DNAH8: variants seen among roughly 807,000 people sequenced by gnomAD.
The protein encoded by DNAH8 is axonemal beta dynein heavy chain 8.
DNAH8 carries 382 observed loss-of-function variants against 562.1 expected under a neutral mutation model. The observed-to-expected ratio is 0.68, with a 90% CI of 0.63 to 0.74. The LOEUF (loss-of-function observed/expected upper bound fraction) is 0.74. Among genes scored for constraint, DNAH8 ranks in the 30% least tolerant of loss-of-function variants. The pLI is 0.00. For missense variants in DNAH8, 5,203 were observed against 5,620.4 expected, an observed-to-expected ratio of 0.93 and a Z score of 2.37; for synonymous variants, 1,881 against 1,919.4, an observed-to-expected ratio of 0.98 and a Z score of 0.52.
chr6:39,009,374 G>A (rs1276027303), intron 89 of DNAH8, among the ~76,000 whole-genome samples: 4 of 151,614 alleles, frequency 2.6e-5, no homozygotes, highest in Non-Finnish European at 4.4e-5. Flanking sequence ...TCTATAAGAC[G>A]TTCCAAGTGT....
At chr6:38,936,016 C>T (rs986834850) in intron 77 of DNAH8, among the ~76,000 whole-genome samples, 6 of 150,564 alleles carry the variant, frequency 4.0e-5, no homozygotes, top group African/African-American at 1.5e-4. Flanking sequence ...AACTAATGTG[C>T]TCAATCTATT....
intron 52 of DNAH8, 28 bp downstream of exon 52, chr6:38,873,404 C>T: frequency 6.4e-7 from 1 of 1,553,260 alleles, no homozygotes; most frequent in Non-Finnish European, 8.7e-7. Context: ...ACATTTACTA[C>T]TTCGATTTTG....
rs761508825 is a variant in DNAH8, at chr6:38,837,856, T to G, written c.4366-86T>G. 12 of 964,898 alleles carry G rather than the reference T, an allele frequency of 1.2e-5. No homozygotes were observed. The African/African-American group carries it at 2.0e-4, about 16-fold the overall frequency. The allele number at this position is 964,898 out of a possible 1,614,324, so 59.8% of individuals were successfully genotyped here. A position where few individuals can be genotyped will look rare whatever the true frequency, so the allele number is the denominator to read the frequency against. On this transcript the variant is annotated intron_variant, in intron 32 of 92. Coordinates refer to ENST00000327475, the MANE Select transcript of DNAH8 (RefSeq NM_001206927.2). ...AGCTATTACTTAATAAACCTCAACCTAGCTTTTATCCCAATGAAAATAAAT... is the reference window on the plus strand; with the variant it reads ...AGCTATTACTTAATAAACCTCAACCGAGCTTTTATCCCAATGAAAATAAAT...
At chr6:38,719,227 CT>C (rs545268450) in intron 1 of DNAH8, among the ~76,000 whole-genome samples, 216 of 152,188 alleles carry the variant, frequency 1.4e-3, no homozygotes, top group African/African-American at 5.0e-3. Flanking sequence ...TTGAAGTAGT[CT>C]TTTTTTCTGA....
rs185586854 is a variant in DNAH8, at chr6:38,732,410, G to A, written c.611-2064G>A. 3.3e-3 allele frequency among the ~76,000 whole-genome samples: 496 copies of A among 152,298 alleles called. 5 individuals are homozygous for A. Among genetic ancestry groups the A allele is most frequent in the Non-Finnish European group, 5.1e-3 (349 of 68,026 alleles). On this transcript the variant is annotated intron_variant, in intron 4 of 92. Coordinates refer to ENST00000327475, the MANE Select transcript of DNAH8 (RefSeq NM_001206927.2). The stretch of plus-strand genomic sequence containing the variant: ...TCAGGTTTTCTTAGCAAAGAAAAAG[G>A]GGAGGGTAGTAAATCCCTGTGGAGC...
chr6:38,987,082 T>C (rs960362918), intron 87 of DNAH8, among the ~76,000 whole-genome samples: 2 of 152,154 alleles, frequency 1.3e-5, no homozygotes, highest in African/African-American at 4.8e-5. Flanking sequence ...GATGTACAGA[T>C]CCGGAGGTCA....
At chr6:38,800,298 A>AT (rs1770673438) in intron 21 of DNAH8, among the ~76,000 whole-genome samples, 1 of 151,654 alleles carries the variant, frequency 6.6e-6, no homozygotes, top group Non-Finnish European at 1.5e-5. Flanking sequence ...ACTCCATGTT[A>AT]TACTCTTTGA....
intron 8 of DNAH8, among the ~76,000 whole-genome samples, chr6:38,745,622 TC>T (rs1322712503): frequency 6.6e-6 from 1 of 152,198 alleles, no homozygotes; most frequent in Non-Finnish European, 1.5e-5. Flanking sequence ...TTTATACTTC[TC>T]CAGGTTTTCC....
At chr6:38,876,610 C>T (rs370829028) in intron 53 of DNAH8, among the ~76,000 whole-genome samples, 1 of 152,080 alleles carries the variant, frequency 6.6e-6, no homozygotes, top group Admixed American at 6.5e-5. Flanking sequence ...TTGAGAAGCG[C>T]ACGTCACAGG....
At chr6:38,966,317 A>G (rs899322436) in intron 82 of DNAH8, among the ~76,000 whole-genome samples, 5 of 152,236 alleles carry the variant, frequency 3.3e-5, no homozygotes, top group African/African-American at 1.2e-4. Context: ...GAATAGAGCC[A>G]TAAGAAGTAT....
rs56323406 is a variant in DNAH8, at chr6:38,750,410, C to T, written c.1294-66C>T. 0.23 allele frequency: 229,380 copies of T among 1,006,230 alleles called. 29,538 individuals are homozygous for T. The highest frequency in any genetic ancestry group is 0.27 in the Non-Finnish European group (184,190 of 678,762). The allele number at this position is 1,006,230 out of a possible 1,614,324, so 62.3% of individuals were successfully genotyped here. A position where few individuals can be genotyped will look rare whatever the true frequency, so the allele number is the denominator to read the frequency against. ...TATGATTAGGGAAGACTGAATTTCC[C>T]GAGTAAACTTTAGCACACTGATATA... On this transcript the variant is annotated intron_variant, in intron 8 of 92. Coordinates refer to ENST00000327475, the MANE Select transcript of DNAH8 (RefSeq NM_001206927.2).
chr6:39,007,480 A>G (rs1765870180), intron 88 of DNAH8, among the ~76,000 whole-genome samples: 1 of 152,218 alleles, frequency 6.6e-6, no homozygotes, highest in African/African-American at 2.4e-5. Context: ...TAATCCTCCA[A>G]AATAAAATTA....
rs149323124 is a variant in DNAH8 at position 38,739,750 on chromosome 6, C to T, written c.1116+1778C>T. The stretch of plus-strand genomic sequence containing the variant: ...CAGCTTTTCTTCCCCCTAGTGGTAA[C>T]TATTATCTTGATAATTATGCTTTTC... On this transcript the variant is annotated intron_variant, in intron 7 of 92. Transcript: ENST00000327475. Among the ~76,000 whole-genome samples the T allele has an allele frequency of 9.3e-3, 1,409 of 152,318 alleles. 14 individuals are homozygous for T. The highest frequency in any genetic ancestry group is 0.067 in the South Asian group (324 of 4,818).
intron 17 of DNAH8, among the ~76,000 whole-genome samples, chr6:38,785,267 A>G (rs751226399): frequency 1.3e-5 from 2 of 152,164 alleles, no homozygotes; most frequent in Admixed American, 1.3e-4. Context: ...AGGAGCTTCT[A>G]GTAATAATTG....
chr6:38,905,272 A>G (rs1230084395), intron 62 of DNAH8, among the ~76,000 whole-genome samples: 1 of 152,224 alleles, frequency 6.6e-6, no homozygotes, highest in African/African-American at 2.4e-5. Context: ...GAGGATTTAC[A>G]TACAACATTT....
At chr6:38,790,640 T>G (rs1036056718) in intron 20 of DNAH8, among the ~76,000 whole-genome samples, 3 of 151,910 alleles carry the variant, frequency 2.0e-5, no homozygotes, top group Admixed American at 6.6e-5. Context: ...CTGGCCAACA[T>G]GGTGAAACCC....
rs753730319 is a variant in DNAH8 at position 38,832,460 on chromosome 6, A to T, written c.4302+25A>T. On this transcript the variant is annotated intron_variant, in intron 31 of 92. Transcript: ENST00000327475. ...GGTAATTTAAGTATTTTCTTGCTGTATGTTGAAATGTTCTGTGATGTGTTT... is the reference window on the plus strand; with the variant it reads ...GGTAATTTAAGTATTTTCTTGCTGTTTGTTGAAATGTTCTGTGATGTGTTT... The T allele has an allele frequency of 8.7e-5, 118 of 1,361,318 alleles. 2 individuals carry two copies. The highest frequency in any genetic ancestry group is 6.3e-4 in the East Asian group (27 of 43,130). 84.3% of individuals were successfully genotyped at this position (1,361,318 alleles called of 1,614,324 possible). A position where few individuals can be genotyped will look rare whatever the true frequency, so the allele number is the denominator to read the frequency against.
intron 66 of DNAH8, 57 bp from the exon 67 acceptor site, chr6:38,913,792 T>C (rs1018224064): frequency 8.5e-7 from 1 of 1,181,134 alleles, no homozygotes. Flanking sequence ...TGAATAAATA[T>C]TTGATGAAGG....
Position 38,990,118 on chromosome 6 carries a change from T to C in DNAH8, c.13160T>C (p.Leu4387Pro). 6.2e-7 allele frequency: 1 copy of C among 1,609,582 alleles called. No individual in the cohort carries two copies. Among genetic ancestry groups the C allele is most frequent in the Non-Finnish European group, 8.5e-7 (1 of 1,175,840 alleles). Residue 4387 changes from leucine (L) to proline (P), a missense_variant, in exon 88 of 93, where the codon CTG becomes CCG. This residue lies in a region of DNAH8 where 1,399 missense variants were observed against 1,518.4 expected (regional missense o/e 0.92). Transcript: ENST00000327475. ...LDQYFEYIQS[L>P]PSLDNPEVFG... ...CAGTATTTTGAATACATCCAGTCAC[T>C]GCCATCCCTAGATAACCCTGAAGTC...
Sources: allele counts gnomAD v4.1 joint callset (sites outside exome capture counted in the v4.1 genomes callset), GRCh38; gene constraint gnomAD v4.1.1; regional missense constraint gnomAD v4.1.1; transcripts MANE v1.5; gene names NCBI Gene and HGNC (gene_info 2026-07-23, HGNC 2026-07-21).